PXK: variants seen among roughly 807,000 people sequenced by gnomAD.
PXK encodes the protein PX domain containing serine/threonine kinase like.
PXK carries 35 observed loss-of-function variants against 84.7 expected under a neutral mutation model. That is an observed-to-expected ratio of 0.41 (90% confidence interval 0.32 to 0.55). PXK has a LOEUF of 0.55. Ranked by LOEUF, PXK falls within the 20% of genes least tolerant of loss-of-function variation. The pLI is 0.21. For missense variants in PXK, 634 were observed against 699.7 expected, an observed-to-expected ratio of 0.91 and a Z score of 1.06; for synonymous variants, 253 against 260.8, an observed-to-expected ratio of 0.97 and a Z score of 0.29.
At position 58,397,531 on chromosome 3, in the gene PXK, G is replaced by C. The variant is rs2057888584; in HGVS notation, c.985-74G>C. 8.0e-7 allele frequency: 1 copy of C among 1,254,826 alleles called. No homozygotes were observed. Among genetic ancestry groups the C allele is most frequent in the Admixed American group, 1.7e-5 (1 of 58,976 alleles). The allele number at this position is 1,254,826 out of a possible 1,614,324, so 77.7% of individuals were successfully genotyped here. ...TCCCTGGGCTTTGTTTCTCAGAGAAGCCTTGGGGCAGGAGCGCGAGGGTCC... is the reference window on the plus strand; with the variant it reads ...TCCCTGGGCTTTGTTTCTCAGAGAACCCTTGGGGCAGGAGCGCGAGGGTCC... On this transcript the variant is annotated intron_variant, in intron 10 of 17. Transcript: ENST00000356151. This position sits in a 1 kb window ranked among gnomAD's most constrained non-coding sequence, Gnocchi z 4.7.
In PXK at chr3:58,332,953, T is replaced by A; in HGVS notation, c.-36T>A. On this transcript the variant is annotated 5_prime_UTR_variant, in exon 1 of 18. Transcript: ENST00000356151. This position sits in a 1 kb window ranked among gnomAD's most constrained non-coding sequence, Gnocchi z 5.6. Reference sequence around the variant, plus strand: ...GGAGTCGGCGCCTCGGGTTCCTACCTCGCGTCCCTAGGCGGCGGCGGCCGG... The same window carrying A: ...GGAGTCGGCGCCTCGGGTTCCTACCACGCGTCCCTAGGCGGCGGCGGCCGG... 1 of 1,311,880 alleles carries A rather than the reference T, an allele frequency of 7.6e-7. No individual in the cohort carries two copies. Among genetic ancestry groups the A allele is most frequent in the Non-Finnish European group, 9.9e-7 (1 of 1,010,156 alleles). 81.3% of individuals were successfully genotyped at this position (1,311,880 alleles called of 1,614,324 possible).
At chr3:58,366,718 T>C (rs763882131) in intron 2 of PXK, among the ~76,000 whole-genome samples, 1 of 152,250 alleles carries the variant, frequency 6.6e-6, no homozygotes, top group Non-Finnish European at 1.5e-5. Context: ...ATAATTATTA[T>C]ATTTAACATC....
Position 58,409,803 on chromosome 3 carries a change from C to T in PXK, c.1395+185C>T, listed in dbSNP as rs906846305. 1.3e-5 allele frequency among the ~76,000 whole-genome samples: 2 copies of T among 151,916 alleles called. No individual in the cohort carries two copies. The highest frequency in any genetic ancestry group is 6.6e-5 in the Admixed American group (1 of 15,248). On this transcript the variant is annotated intron_variant, in intron 15 of 17. Coordinates refer to ENST00000356151, the MANE Select transcript of PXK (RefSeq NM_017771.5). The surrounding 1 kb of genome is among the most constrained non-coding windows in gnomAD (Gnocchi z 4.2). Reference sequence around the variant, plus strand: ...AAAAAAGAGTCATATGATAATCAGCCGAGAAATAGCCCATGTAGTTTCCTA... The same window carrying T: ...AAAAAAGAGTCATATGATAATCAGCTGAGAAATAGCCCATGTAGTTTCCTA...
intron 1 of PXK, among the ~76,000 whole-genome samples, chr3:58,346,618 G>A (rs2097824714): frequency 6.6e-6 from 1 of 152,100 alleles, no homozygotes; most frequent in Admixed American, 6.6e-5. Flanking sequence ...TATGTGCCAA[G>A]CCAAGTGCTT....
chr3:58,413,361 C>T (rs939519675), intron 17 of PXK: 6 of 224,764 alleles, frequency 2.7e-5, no homozygotes, highest in African/African-American at 1.4e-4. Flanking sequence ...TCAGTTTTGT[C>T]ACAGAGCACA....
rs369884221 is a variant in PXK at position 58,409,662 on chromosome 3, T to C, written c.1395+44T>C. 2.3e-5 allele frequency: 35 copies of C among 1,492,796 alleles called. No homozygotes were observed. Among genetic ancestry groups the C allele is most frequent in the Non-Finnish European group, 3.1e-5 (34 of 1,089,742 alleles). The allele number at this position is 1,492,796 out of a possible 1,614,324, so 92.5% of individuals were successfully genotyped here. ...TGCAGTCCCTCTATGAGTTCTTGAG[T>C]ACATGTGAAGAAAGTTCTAGGTTAA... On this transcript the variant is annotated intron_variant, in intron 15 of 17. Transcript: ENST00000356151. This position sits in a 1 kb window ranked among gnomAD's most constrained non-coding sequence, Gnocchi z 4.2.
At chr3:58,381,571 A>AG (rs988376586) in intron 3 of PXK, among the ~76,000 whole-genome samples, 16 of 151,620 alleles carry the variant, frequency 1.1e-4, no homozygotes, top group South Asian at 2.1e-4. Flanking sequence ...AAAAAAAAAA[A>AG]AAGACTACAA....
At chr3:58,386,483 G>C (rs906867327) in intron 4 of PXK, among the ~76,000 whole-genome samples, 1 of 151,654 alleles carries the variant, frequency 6.6e-6, no homozygotes, top group Non-Finnish European at 1.5e-5. Flanking sequence ...TTTTAGTAGA[G>C]ATGGGGTTTC....
chr3:58,361,958 C>G (rs4681683), intron 1 of PXK, among the ~76,000 whole-genome samples: 36,210 of 152,062 alleles, frequency 0.24, 4,486 homozygotes, highest in African/African-American at 0.3. Flanking sequence ...ATAGTCCCAT[C>G]TGCAATGTAT....
In PXK at chr3:58,345,937, A is replaced by C. The variant is rs530440842; in HGVS notation, c.102+12847A>C. Reference sequence around the variant, plus strand: ...CCACCATAAGGATCTCAGTTTAAAAATCTGAAGAATGATTCTTCTCTGAGG... The same window carrying C: ...CCACCATAAGGATCTCAGTTTAAAACTCTGAAGAATGATTCTTCTCTGAGG... On this transcript the variant is annotated intron_variant, in intron 1 of 17. Coordinates refer to ENST00000356151, the MANE Select transcript of PXK (RefSeq NM_017771.5). Among the ~76,000 whole-genome samples the C allele has an allele frequency of 1.2e-4, 18 of 152,294 alleles. No homozygotes were observed. In the South Asian group the frequency reaches 3.5e-3, roughly 30 times the overall value.
intron 1 of PXK, among the ~76,000 whole-genome samples, chr3:58,342,194 T>C (rs951613746): frequency 2.0e-5 from 3 of 152,194 alleles, no homozygotes; most frequent in Non-Finnish European, 2.9e-5. Context: ...ACAAGTTCTT[T>C]AGCTCTTCGG....
chr3:58,342,679 T>C (rs1258389321), intron 1 of PXK, among the ~76,000 whole-genome samples: 3 of 151,182 alleles, frequency 2.0e-5, no homozygotes, highest in Admixed American at 6.6e-5. Flanking sequence ...GAAAAACTTT[T>C]TAAAACTGTA....
intron 3 of PXK, among the ~76,000 whole-genome samples, chr3:58,372,305 G>A (rs1246740886): frequency 1.3e-5 from 2 of 151,600 alleles, no homozygotes; most frequent in South Asian, 2.1e-4. Flanking sequence ...TATCTAAGTG[G>A]AAAAACAGAA....
Position 58,403,909 on chromosome 3 carries a change from A to G in PXK, c.1229A>G (p.Lys410Arg). ...LLTTSEKPQF[K>R]IPTKLKEALR... ...ACCACTTCTGAAAAACCACAGTTTA[A>G]GGTAAAGACAATTATATCGTTTTTT... The change falls in exon 13 of 18, where the codon AAG becomes AGG. Residue 410 changes from lysine to arginine, a missense_variant and splice_region_variant. Lys to Arg is a conservative substitution (Grantham distance 26, BLOSUM62 2). This residue lies in a region of PXK where 273 missense variants were observed against 283.6 expected (regional missense o/e 0.96). Coordinates refer to ENST00000356151, the MANE Select transcript of PXK (RefSeq NM_017771.5). 6.6e-7 allele frequency: 1 copy of G among 1,521,936 alleles called. No homozygotes were observed. Among genetic ancestry groups the G allele is most frequent in the Non-Finnish European group, 8.9e-7 (1 of 1,120,360 alleles). 94.3% of individuals were successfully genotyped at this position (1,521,936 alleles called of 1,614,324 possible).
At chr3:58,417,290 G>C (rs1456736175) in intron 17 of PXK, among the ~76,000 whole-genome samples, 1 of 152,230 alleles carries the variant, frequency 6.6e-6, no homozygotes, top group Non-Finnish European at 1.5e-5. Context: ...CAATAGATCA[G>C]CAGCAATAGA....
At chr3:58,410,650 C>T (rs2060063981) in intron 16 of PXK, among the ~76,000 whole-genome samples, 1 of 152,198 alleles carries the variant, frequency 6.6e-6, no homozygotes, top group African/African-American at 2.4e-5. Flanking sequence ...GTTGGCAGTC[C>T]TTGCTGCCAC....
At position 58,365,874 on chromosome 3, in the gene PXK, G is replaced by C; in HGVS notation, c.103G>C (p.Glu35Gln). 6.4e-7 allele frequency: 1 copy of C among 1,564,590 alleles called. No individual in the cohort carries two copies. Among genetic ancestry groups the C allele is most frequent in the South Asian group, 1.2e-5 (1 of 81,948 alleles). Reference protein sequence around the residue: ...EASQSLQSHTEYIIRVQRGIS... With the variant: ...EASQSLQSHTQYIIRVQRGIS... ...GTTATTCTTCCCTTCTCTTTTTAAGGAATATATTATTCGAGTGCAAAGAGG... is the reference window on the plus strand; with the variant it reads ...GTTATTCTTCCCTTCTCTTTTTAAGCAATATATTATTCGAGTGCAAAGAGG... The change falls in exon 2 of 18, where the codon GAA becomes CAA. Residue 35 changes from glutamate (E) to glutamine (Q), a missense_variant and splice_region_variant. Glu to Gln is a conservative substitution (Grantham distance 29). Around this residue, in one of 3 missense-constraint regions of PXK, gnomAD observed 353 missense variants for 385.2 expected, o/e 0.92. Transcript: ENST00000356151.
Position 58,336,055 on chromosome 3 carries a change from ATATATATATATATATATTTTTTTTT to A in PXK, c.102+2967_102+2991del, listed in dbSNP as rs1347036855. 6.9e-3 allele frequency among the ~76,000 whole-genome samples: 403 copies of A among 58,460 alleles called. 12 individuals are homozygous for A. The highest frequency in any genetic ancestry group is 0.043 in the African/African-American group (380 of 8,910). 38.4% of individuals were successfully genotyped at this position (58,460 alleles called of 152,430 possible). A position where few individuals can be genotyped will look rare whatever the true frequency, so the allele number is the denominator to read the frequency against. On this transcript the variant is annotated intron_variant, in intron 1 of 17. Coordinates refer to ENST00000356151, the MANE Select transcript of PXK (RefSeq NM_017771.5). ...TTGGGAAACATATATATATATATATATATATATATATATATATTTTTTTTTTTTTTTTTTAATACCAATGGGGTTC... is the reference window on the plus strand; with the variant it reads ...TTGGGAAACATATATATATATATATATTTTTTTTTAATACCAATGGGGTTC...
intron 3 of PXK, among the ~76,000 whole-genome samples, chr3:58,377,238 C>T (rs1477871636): frequency 1.3e-5 from 2 of 151,630 alleles, no homozygotes; most frequent in East Asian, 3.8e-4. Context: ...TCATCTTGTC[C>T]AGTATCAAGT....
Sources: gnomAD v4.1 joint callset for allele counts (sites outside exome capture counted in the v4.1 genomes callset) on GRCh38, gnomAD v4.1.1 for gene constraint, gnomAD v4.1.1 regional missense constraint, Gnocchi (gnomAD v3.1) non-coding constraint, MANE v1.5 for transcripts, NCBI Gene and HGNC (gene_info 2026-07-23, HGNC 2026-07-21) for gene names.